Variants in BNIP5 observed in about 807,000 individuals in gnomAD.
The protein encoded by BNIP5 is BCL2 interacting protein 5.
In BNIP5, 61 loss-of-function variants were observed where a neutral mutation model predicts 67.3. The ratio of observed to expected loss-of-function variants is 0.91; its 90% CI spans 0.74 to 1.12. The LOEUF is 1.12. Among genes scored for constraint, BNIP5 ranks in the 50% most tolerant of loss-of-function variants. BNIP5 has a pLI of 0.00. For missense variants in BNIP5, 826 were observed against 816.3 expected, an observed-to-expected ratio of 1.01 and a Z score of -0.14; for synonymous variants, 317 against 319.0, an observed-to-expected ratio of 0.99 and a Z score of 0.07.
chr6:36,318,530 A>C (rs965793388), intron 11 of BNIP5, among the ~76,000 whole-genome samples: 1 of 151,690 alleles, frequency 6.6e-6, no homozygotes, highest in Non-Finnish European at 1.5e-5. Context: ...CAACATAGTG[A>C]GAATCCATCT....
chr6:36,336,250 A>G (rs1463158625), intron 1 of BNIP5, among the ~76,000 whole-genome samples: 1 of 152,224 alleles, frequency 6.6e-6, no homozygotes, highest in Non-Finnish European at 1.5e-5. Flanking sequence ...GGTCATAATA[A>G]CACCTCTCAT....
chr6:36,333,437 G>A (rs980244759), intron 1 of BNIP5, among the ~76,000 whole-genome samples: 5 of 152,218 alleles, frequency 3.3e-5, no homozygotes, highest in Non-Finnish European at 7.3e-5. Context: ...TCAGAGACTG[G>A]CTGCCTTATG....
intron 6 of BNIP5, 92 bp from the exon 7 acceptor site, chr6:36,324,282 G>C: frequency 8.7e-7 from 1 of 1,154,666 alleles, no homozygotes; most frequent in East Asian, 2.3e-5. Flanking sequence ...TGGCTCCCTG[G>C]GTGATTCTCC....
chr6:36,322,408 G>A lies in BNIP5; in HGVS notation c.1506C>T (p.Pro502=), dbSNP rs534653158. The A allele has an allele frequency of 5.4e-5, 87 of 1,613,884 alleles. No homozygotes were observed. The East Asian group carries it at 6.9e-4, about 13-fold the overall frequency. ...AGATCACAACTGGCTCCCCTTCTGC[G>A]GGCAGGGGCTCCCGGCACTCGAGAT... ...PEDLECREPL[P]AEGEPVVISE... is the part of the protein sequence containing the mutation. Residue 502 remains proline, a synonymous_variant, in exon 9 of 12, where the codon CCC becomes CCT. Coordinates refer to ENST00000437635, the MANE Select transcript of BNIP5 (RefSeq NM_001010903.5).
chr6:36,325,453 T>C, intron 5 of BNIP5, 39 bp from the exon 6 acceptor site: 1 of 1,578,372 alleles, frequency 6.3e-7, no homozygotes, highest in Non-Finnish European at 8.6e-7. Context: ...GTTTTGTCTG[T>C]CTGGGGCTGT....
chr6:36,319,749 G>A, intron 10 of BNIP5, 139 bp from the exon 11 acceptor site: 1 of 937,262 alleles, frequency 1.1e-6, no homozygotes, highest in East Asian at 2.5e-5. Context: ...TCCCTCCACT[G>A]CCCCTAGCCT....
At position 36,324,295 on chromosome 6, in the gene BNIP5, G is replaced by A. The variant is rs1771706097; in HGVS notation, c.1169-105C>T. On this transcript the variant is annotated intron_variant, in intron 6 of 11. Transcript: ENST00000437635. ...GGTGGCTCCCTGGGTGATTCTCCAA[G>A]GGGGCTAAAGAGCTGCCAGAGGTGG... 4.0e-6 allele frequency: 4 copies of A among 989,692 alleles called. No individual in the cohort carries two copies. The East Asian group carries it at 9.6e-5, about 24-fold the overall frequency. 61.3% of individuals were successfully genotyped at this position (989,692 alleles called of 1,614,324 possible). A position where few individuals can be genotyped will look rare whatever the true frequency, so the allele number is the denominator to read the frequency against.
chr6:36,319,696 G>T, intron 10 of BNIP5, 86 bp from the exon 11 acceptor site: 1 of 1,491,562 alleles, frequency 6.7e-7, no homozygotes, highest in Admixed American at 1.9e-5. Flanking sequence ...CATGCAGCCA[G>T]GCGGGGCACT....
At position 36,323,456 on chromosome 6, in the gene BNIP5, C is replaced by T. The variant is rs1276772379; in HGVS notation, c.1308G>A (p.Arg436=). The T allele has an allele frequency of 3.7e-6, 6 of 1,614,254 alleles. No individual in the cohort carries two copies. Among genetic ancestry groups the T allele is most frequent in the South Asian group, 2.2e-5 (2 of 91,090 alleles). Residue 436 remains arginine (R), a synonymous_variant, in exon 8 of 12, where the codon AGG becomes AGA. Transcript: ENST00000437635. ...PHCRRKSQEK[R]SSFRRAFYHK... is the part of the protein sequence containing the mutation. ...GGTAAAACGCTCTCCTGAAGCTCGACCTTTTTTCTTGAGATTTCCTTCTGC... is the reference window on the plus strand; with the variant it reads ...GGTAAAACGCTCTCCTGAAGCTCGATCTTTTTTCTTGAGATTTCCTTCTGC...
rs563112205 is a variant in BNIP5, at chr6:36,319,412, T to G, written c.1867A>C (p.Met623Leu). ...CAATTGTAGTGGTCTCTTAGGCCCA[T>G]GAGGATGCACATGGCATGGCTGTTG... ...GSNSHAMCIL[M>L]GLRDHYNCTQ... The change falls in exon 11 of 12, where the codon ATG becomes CTG. Residue 623 changes from methionine to leucine, a missense_variant. Physicochemically the swap from Met to Leu is conservative, Grantham distance 15. Coordinates refer to ENST00000437635, the MANE Select transcript of BNIP5 (RefSeq NM_001010903.5). 21 of 1,614,112 alleles carry G rather than the reference T, an allele frequency of 1.3e-5. No individual in the cohort carries two copies. The highest frequency in any genetic ancestry group is 6.7e-5 in the Admixed American group (4 of 60,030).
Position 36,327,053 on chromosome 6 carries a change from C to G in BNIP5, c.769G>C (p.Val257Leu), listed in dbSNP as rs758052347. ...IQMIVELLKR[V>L]GDQWEEEQSL... ...ACCTCTTCTTCCCACTGGTCTCCCA[C>G]TCTTTTGAGCAATTCCACTATCATC... The change falls in exon 4 of 12, where the codon GTG becomes CTG. Residue 257 changes from valine to leucine, a missense_variant. Coordinates refer to ENST00000437635, the MANE Select transcript of BNIP5 (RefSeq NM_001010903.5). 1 of 1,614,196 alleles carries G rather than the reference C, an allele frequency of 6.2e-7. No homozygotes were observed. Among genetic ancestry groups the G allele is most frequent in the South Asian group, 1.1e-5 (1 of 91,082 alleles).
Position 36,326,703 on chromosome 6 carries a change from A to G in BNIP5, c.843T>C (p.Ala281=). The change falls in exon 5 of 12, where the codon GCT becomes GCC. Residue 281 remains alanine, a synonymous_variant. Coordinates refer to ENST00000437635, the MANE Select transcript of BNIP5 (RefSeq NM_001010903.5). ...LGVALPNPAP[A]VRKKSQEKKT... ...TTTTCTCTTGGGATTTCTTCCTAAC[A>G]GCTGGTGCTGGGTTTGGCAGGGCCA... The G allele has an allele frequency of 6.2e-7, 1 of 1,614,212 alleles. No homozygotes were observed. The highest frequency in any genetic ancestry group is 1.1e-5 in the South Asian group (1 of 91,086).
At chr6:36,329,407 T>A (rs1280883242) in intron 2 of BNIP5, among the ~76,000 whole-genome samples, 1 of 152,242 alleles carries the variant, frequency 6.6e-6, no homozygotes, top group African/African-American at 2.4e-5. Context: ...TGAAAAAAGT[T>A]GAGGCTCAGA....
In BNIP5 at chr6:36,316,442, T is replaced by C. The variant is rs867727724; in HGVS notation, c.*914A>G. ...AAAATAGCCCTTTTCTCAAGACATG[T>C]TACTGCTACCAGCTGCAAAACTGTC... On this transcript the variant is annotated 3_prime_UTR_variant, in exon 12 of 12. Transcript: ENST00000437635. The C allele has an allele frequency of 1.0e-4, 41 of 398,334 alleles. No individual in the cohort carries two copies. Among genetic ancestry groups the C allele is most frequent in the African/African-American group, 7.2e-4 (35 of 48,644 alleles). The allele number at this position is 398,334 out of a possible 1,614,324, so 24.7% of individuals were successfully genotyped here.
chr6:36,317,309 C>T lies in BNIP5; in HGVS notation c.*47G>A, dbSNP rs778650658. On this transcript the variant is annotated 3_prime_UTR_variant, in exon 12 of 12. Transcript: ENST00000437635. ...CTTCAGGGTCTCCTGGCTAAAGCTG[C>T]GAACCATTTGGCTAGTTCAAGGGAA... 5 of 1,524,778 alleles carry T rather than the reference C, an allele frequency of 3.3e-6. No individual in the cohort carries two copies. The highest frequency in any genetic ancestry group is 1.7e-4 in the Middle Eastern group (1 of 5,908). 94.5% of individuals were successfully genotyped at this position (1,524,778 alleles called of 1,614,324 possible).
chr6:36,326,791 C>T (rs770969622), intron 4 of BNIP5, 38 bp from the exon 5 acceptor site: 22 of 1,611,050 alleles, frequency 1.4e-5, no homozygotes, highest in South Asian at 1.2e-4. Flanking sequence ...AGGTTCATGA[C>T]ACTGAGAGGG....
chr6:36,321,661 C>T (rs1442609538), intron 9 of BNIP5, among the ~76,000 whole-genome samples: 1 of 152,188 alleles, frequency 6.6e-6, no homozygotes, highest in East Asian at 1.9e-4. Flanking sequence ...AGCGGTGTGC[C>T]AGGGCCTACT....
intron 6 of BNIP5, 53 bp from the exon 7 acceptor site, chr6:36,324,243 C>T (rs1252885178): frequency 8.6e-6 from 13 of 1,507,044 alleles, no homozygotes; most frequent in African/African-American, 4.1e-5. Flanking sequence ...ATCTCTTCTG[C>T]GGTCAGTCTT....
chr6:36,325,498 G>A (rs1771741814), intron 5 of BNIP5, 84 bp from the exon 6 acceptor site: 2 of 1,487,622 alleles, frequency 1.3e-6, no homozygotes, highest in South Asian at 1.3e-5. Context: ...AACTAAAAGT[G>A]GGCTCCGTGG....
Sources: gnomAD v4.1 joint callset for allele counts (sites outside exome capture counted in the v4.1 genomes callset) on GRCh38, gnomAD v4.1.1 for gene constraint, MANE v1.5 for transcripts, NCBI Gene and HGNC (gene_info 2026-07-23, HGNC 2026-07-21) for gene names.